The following ZNF148 variants were observed in gnomAD, a reference collection of about 807,000 sequenced individuals.
The protein encoded by ZNF148 is Beta-Enolase Repressor Factor-1.
In ZNF148, 7 loss-of-function variants were observed where a neutral mutation model predicts 67.7. The ratio of observed to expected loss-of-function variants is 0.10; its 90% CI spans 0.06 to 0.19. ZNF148 has a LOEUF of 0.19. Ranked by LOEUF, ZNF148 falls within the 10% of genes least tolerant of loss-of-function variation. ZNF148 has a pLI of 1.00. For missense variants in ZNF148, 583 were observed against 947.1 expected (o/e 0.62, Z 5.05); for synonymous variants, 333 against 330.7 (o/e 1.01, Z -0.08).
At position 125,233,693 on chromosome 3, in the gene ZNF148, A is replaced by G; in HGVS notation, c.1033T>C (p.Tyr345His). The change falls in exon 9 of 9, where the codon TAC becomes CAC. Residue 345 changes from tyrosine to histidine, a missense_variant. This residue lies in a region of ZNF148 where 78 missense variants were observed against 86.5 expected (regional missense o/e 0.90). Transcript: ENST00000360647. The surrounding 1 kb of genome is among the most constrained non-coding windows in gnomAD (Gnocchi z 5.1). Reference sequence around the variant, plus strand: ...GTACTTGAAGAATAAAGAGGCAAGTAATCATTTTTGTCTTTTTTCAGGTCA... The same window carrying G: ...GTACTTGAAGAATAAAGAGGCAAGTGATCATTTTTGTCTTTTTTCAGGTCA... ...KSDLKKDKND[Y>H]LPLYSSSTKV... The G allele has an allele frequency of 6.2e-7, 1 of 1,613,910 alleles. No homozygotes were observed. The highest frequency in any genetic ancestry group is 1.7e-4 in the Middle Eastern group (1 of 6,060).
At chr3:125,336,804 A>G (rs1941517056) in intron 1 of ZNF148, among the ~76,000 whole-genome samples, 2 of 147,776 alleles carry the variant, frequency 1.4e-5, no homozygotes, top group African/African-American at 2.5e-5. Context: ...AGCCTCCCAC[A>G]TAGCTGGGAC....
intron 4 of ZNF148, among the ~76,000 whole-genome samples, chr3:125,290,143 T>C (rs1189480171): frequency 6.6e-6 from 1 of 152,136 alleles, no homozygotes; most frequent in African/African-American, 2.4e-5. Flanking sequence ...ACTGAGTCAG[T>C]CTCCCTCTGG....
At chr3:125,348,058 C>T (rs1942009754) in intron 1 of ZNF148, among the ~76,000 whole-genome samples, 1 of 151,700 alleles carries the variant, frequency 6.6e-6, no homozygotes, top group Admixed American at 6.6e-5. Context: ...AGCTTGAGAC[C>T]AGCCTGGGCA....
At chr3:125,259,939 C>T (rs1270372130) in intron 7 of ZNF148, among the ~76,000 whole-genome samples, 2 of 152,110 alleles carry the variant, frequency 1.3e-5, no homozygotes, top group Non-Finnish European at 2.9e-5. Flanking sequence ...CTTTCACTTG[C>T]ACACTTAGAG....
At chr3:125,306,340 T>TA (rs1939873585) in intron 4 of ZNF148, among the ~76,000 whole-genome samples, 1 of 152,004 alleles carries the variant, frequency 6.6e-6, no homozygotes, top group African/African-American at 2.4e-5. Flanking sequence ...TGAAAATCGA[T>TA]AAAACCGAAA....
intron 4 of ZNF148, among the ~76,000 whole-genome samples, chr3:125,302,377 C>CAA (rs753651032): frequency 8.8e-6 from 1 of 113,406 alleles, no homozygotes; most frequent in Non-Finnish European, 1.9e-5. Flanking sequence ...GACCCTGTCT[C>CAA]AAAAAAAAAA....
chr3:125,342,207 T>C (rs572874346), intron 1 of ZNF148, among the ~76,000 whole-genome samples: 10 of 151,732 alleles, frequency 6.6e-5, no homozygotes, highest in African/African-American at 1.9e-4. Context: ...CAAACACTAC[T>C]TGAAGAAATG....
intron 7 of ZNF148, among the ~76,000 whole-genome samples, chr3:125,269,205 C>CAAAA (rs71148173): frequency 1.9e-4 from 18 of 96,820 alleles, no homozygotes; most frequent in African/African-American, 2.9e-4. Flanking sequence ...CGGTCTCTAC[C>CAAAA]AAAAAAAAAA....
intron 7 of ZNF148, among the ~76,000 whole-genome samples, chr3:125,267,123 T>C (rs1057439281): frequency 4.0e-5 from 6 of 149,670 alleles, no homozygotes; most frequent in African/African-American, 1.5e-4. Flanking sequence ...AGCTGAATTC[T>C]ACCAAATGTA....
intron 1 of ZNF148, among the ~76,000 whole-genome samples, chr3:125,366,617 ACTT>A (rs1381560438): frequency 6.6e-6 from 1 of 152,162 alleles, no homozygotes; most frequent in Non-Finnish European, 1.5e-5. Context: ...GTATTATGAA[ACTT>A]CTTGTTTTAC....
At chr3:125,342,873 T>C (rs1397837427) in intron 1 of ZNF148, among the ~76,000 whole-genome samples, 1 of 152,196 alleles carries the variant, frequency 6.6e-6, no homozygotes, top group Non-Finnish European at 1.5e-5. Context: ...TTTCCACACT[T>C]CTGTTGAAGT....
chr3:125,267,132 T>C (rs775367203), intron 7 of ZNF148, among the ~76,000 whole-genome samples: 3 of 148,480 alleles, frequency 2.0e-5, no homozygotes, highest in Non-Finnish European at 3.0e-5. Flanking sequence ...CTACCAAATG[T>C]ACAAAAGACA....
chr3:125,288,252 T>A (rs757705960), intron 4 of ZNF148, 24 bp from the exon 5 acceptor site: 61 of 1,588,792 alleles, frequency 3.8e-5, no homozygotes, highest in Non-Finnish European at 2.7e-5. Context: ...GAAAAGCCAA[T>A]TTTAGACATA....
In ZNF148 at chr3:125,233,376, C is replaced by A; in HGVS notation, c.1350G>T (p.Leu450Phe). 1 of 1,613,982 alleles carries A rather than the reference C, an allele frequency of 6.2e-7. No individual in the cohort carries two copies. Among genetic ancestry groups the A allele is most frequent in the South Asian group, 1.1e-5 (1 of 91,082 alleles). The change falls in exon 9 of 9, where the codon TTG becomes TTT. Residue 450 changes from leucine to phenylalanine, a missense_variant. Physicochemically the swap from Leu to Phe is conservative, Grantham distance 22. Around this residue, in one of 5 missense-constraint regions of ZNF148, gnomAD observed 172 missense variants for 307.7 expected, o/e 0.56. Transcript: ENST00000360647. The surrounding 1 kb of genome is among the most constrained non-coding windows in gnomAD (Gnocchi z 5.1). ...GNADIDQVDN[L>F]QEGPSKPVHS... ...GCACAGGTTTACTGGGCCCCTCCTG[C>A]AAATTATCAACCTGATCAATGTCAG...
At chr3:125,320,101 A>G (rs1035863442) in intron 3 of ZNF148, among the ~76,000 whole-genome samples, 2 of 152,130 alleles carry the variant, frequency 1.3e-5, no homozygotes, top group Non-Finnish European at 2.9e-5. Context: ...TGTTACTCAT[A>G]TCTCAGTGAA....
chr3:125,333,063 T>C (rs1002847021), intron 1 of ZNF148, among the ~76,000 whole-genome samples: 5 of 152,234 alleles, frequency 3.3e-5, no homozygotes, highest in African/African-American at 1.2e-4. Context: ...TGATGTGATG[T>C]ATCTAATCCA....
At chr3:125,312,275 T>C (rs1940256165) in intron 4 of ZNF148, among the ~76,000 whole-genome samples, 1 of 152,206 alleles carries the variant, frequency 6.6e-6, no homozygotes, top group African/African-American at 2.4e-5. Context: ...GTTGCTTCCA[T>C]ATTCAAAAAT....
intron 4 of ZNF148, among the ~76,000 whole-genome samples, chr3:125,310,598 T>A (rs1022913314): frequency 1.3e-5 from 2 of 150,954 alleles, no homozygotes; most frequent in African/African-American, 4.9e-5. Context: ...CAGAAAAAAA[T>A]TATAAAAATT....
chr3:125,246,464 A>G (rs1936602289), intron 7 of ZNF148, among the ~76,000 whole-genome samples: 1 of 152,182 alleles, frequency 6.6e-6, no homozygotes, highest in South Asian at 2.1e-4. Context: ...TTACTGTGAG[A>G]AATAAGCATG....
Sources: allele counts gnomAD v4.1 joint callset (sites outside exome capture counted in the v4.1 genomes callset), GRCh38; gene constraint gnomAD v4.1.1; regional missense constraint gnomAD v4.1.1; non-coding constraint Gnocchi (gnomAD v3.1); transcripts MANE v1.5; gene names NCBI Gene and HGNC (gene_info 2026-07-23, HGNC 2026-07-21).